The following SGCB variants were observed in gnomAD, a reference collection of about 807,000 sequenced individuals.
SGCB encodes sarcoglycan beta.
In SGCB, 25 loss-of-function variants were observed where a neutral mutation model predicts 27.3. The ratio of observed to expected loss-of-function variants is 0.92; its 90% confidence interval spans 0.67 to 1.28. The LOEUF (loss-of-function observed/expected upper bound fraction) is 1.28. Among genes scored for constraint, SGCB ranks in the 50% most tolerant of loss-of-function variants. The pLI, the probability that SGCB is intolerant of heterozygous loss-of-function variation, is 0.00. For synonymous variants in SGCB, 147 were observed against 133.5 expected (o/e 1.10, Z -0.70); for missense variants, 436 against 402.1 (o/e 1.08, Z -0.72).
At chr4:52,031,402 G>GTGTA (rs754989628) in intron 2 of SGCB, among the ~76,000 whole-genome samples, 3 of 40,488 alleles carry the variant, frequency 7.4e-5, no homozygotes, top group African/African-American at 4.9e-5. Flanking sequence ...CTGTGTGTGT[G>GTGTA]TGTATGTGTG....
At chr4:52,033,167 C>T (rs1029518688) in intron 2 of SGCB, among the ~76,000 whole-genome samples, 2 of 152,034 alleles carry the variant, frequency 1.3e-5, no homozygotes, top group Non-Finnish European at 1.5e-5. Flanking sequence ...CATGCTCTAC[C>T]GATTGAGCTA....
intron 1 of SGCB, among the ~76,000 whole-genome samples, chr4:52,035,845 T>C (rs1246673314): frequency 6.6e-6 from 1 of 152,180 alleles, no homozygotes; most frequent in Non-Finnish European, 1.5e-5. Context: ...AAAGTTTGAA[T>C]ATAGGTCCAC....
At chr4:52,026,415 C>T (rs1351950385) in intron 5 of SGCB, among the ~76,000 whole-genome samples, 1 of 151,732 alleles carries the variant, frequency 6.6e-6, no homozygotes, top group Non-Finnish European at 1.5e-5. Flanking sequence ...CCCGCCACCA[C>T]GCCCAGGTAA....
Position 52,033,785 on chromosome 4 carries a change from C to T in SGCB, c.34-145G>A, listed in dbSNP as rs145664960. 1.0e-3 allele frequency: 733 copies of T among 713,348 alleles called. 3 individuals carry two copies. The highest frequency in any genetic ancestry group is 2.6e-3 in the Middle Eastern group (8 of 3,092). The allele number at this position is 713,348 out of a possible 1,614,324, so 44.2% of individuals were successfully genotyped here. A position where few individuals can be genotyped will look rare whatever the true frequency, so the allele number is the denominator to read the frequency against. ...ATAAACTGCAAATCACATTGAGTTG[C>T]AGTTCCAAATAAGGGCATAACTGTG... On this transcript the variant is annotated intron_variant, in intron 1 of 5. Transcript: ENST00000381431.
intron 5 of SGCB, among the ~76,000 whole-genome samples, chr4:52,026,065 T>G (rs532410344): frequency 3.9e-5 from 6 of 152,260 alleles, no homozygotes; most frequent in Non-Finnish European, 5.9e-5. Flanking sequence ...AGGCATCGGC[T>G]TACAGAGGGT....
In SGCB at chr4:52,029,833, T is replaced by C; in HGVS notation, c.274A>G (p.Ile92Val). The change falls in exon 3 of 6, where the codon ATT (isoleucine) becomes GTT (valine). Residue 92 changes from isoleucine (I) to valine (V), a missense_variant. By Grantham distance (29) the Ile-to-Val change is conservative. Transcript: ENST00000381431. Reference sequence around the variant, plus strand: ...ATACTATCACAGCCATTTGGTCCAATGCGAATCACGGCCCAAATAACAAGT... The same window carrying C: ...ATACTATCACAGCCATTTGGTCCAACGCGAATCACGGCCCAAATAACAAGT... ...ITLVIWAVIR[I>V]GPNGCDSMEF... is the part of the protein sequence containing the mutation. 2 of 1,613,900 alleles carry C rather than the reference T, an allele frequency of 1.2e-6. No individual in the cohort carries two copies. The highest frequency in any genetic ancestry group is 1.7e-6 in the Non-Finnish European group (2 of 1,179,858).
rs1181672793 is a variant in SGCB, at chr4:52,022,469, AC to A, written c.*1487del. The A allele has an allele frequency of 6.6e-6, 1 of 152,186 alleles. No individual in the cohort carries two copies. The highest frequency in any genetic ancestry group is 6.5e-5 in the Admixed American group (1 of 15,278). 9.4% of individuals were successfully genotyped at this position (152,186 alleles called of 1,614,324 possible). ...CTGATTCTGTGTGAGTCTTAATAAT[AC>A]CAGAGAGTTCTTTTCCAATCAAATA... On this transcript the variant is annotated 3_prime_UTR_variant, in exon 6 of 6. Transcript: ENST00000381431.
At position 52,028,920 on chromosome 4, in the gene SGCB, A is replaced by G. The variant is rs147995730; in HGVS notation, c.431T>C (p.Ile144Thr). The G allele has an allele frequency of 1.4e-5, 23 of 1,611,546 alleles. No individual in the cohort carries two copies. Among genetic ancestry groups the G allele is most frequent in the Non-Finnish European group, 1.8e-5 (21 of 1,177,828 alleles). The stretch of plus-strand genomic sequence containing the variant: ...CTTTGTTGTCCCTTGCTGAAAAACA[A>G]TCTTCAAAAAAAACAGTTTATTGTG... ...NLVITGNNQP[I>T]VFQQGTTKLS... Residue 144 changes from isoleucine to threonine, a missense_variant and splice_region_variant, in exon 4 of 6, where the codon ATT becomes ACT. By Grantham distance (89) the Ile-to-Thr change is moderately conservative (BLOSUM62 -1). Coordinates refer to ENST00000381431, the MANE Select transcript of SGCB (RefSeq NM_000232.5).
chr4:52,034,331 CAAAAAAAAAAAAAAA>C (rs541129158), intron 1 of SGCB, among the ~76,000 whole-genome samples: 10 of 26,512 alleles, frequency 3.8e-4, no homozygotes, highest in East Asian at 1.6e-3. Flanking sequence ...GACTCCGTCT[CAAAAAAAAAAAAAAA>C]AAAAAAAAAA....
At chr4:52,030,169 T>A (rs1203096590) in intron 2 of SGCB, among the ~76,000 whole-genome samples, 1 of 152,196 alleles carries the variant, frequency 6.6e-6, no homozygotes, top group Non-Finnish European at 1.5e-5. Context: ...ATTTAGCTAT[T>A]TCATCTAGAA....
At position 52,027,986 on chromosome 4, in the gene SGCB, A is replaced by G. The variant is rs868255333; in HGVS notation, c.735T>C (p.Gly245=). 2.5e-6 allele frequency: 4 copies of G among 1,613,874 alleles called. No individual in the cohort carries two copies. In the Middle Eastern group the frequency reaches 6.6e-4, roughly 266 times the overall value. ...MGKTIEFHMG[G]NMELKAENSI... is the part of the protein sequence containing the mutation. The stretch of plus-strand genomic sequence containing the variant: ...TACTCACCGCCTTTAACTCCATATT[A>G]CCACCCATGTGAAATTCAATGGTTT... The change falls in exon 5 of 6, where the codon GGT becomes GGC. Residue 245 remains glycine, a synonymous_variant. Transcript: ENST00000381431.
chr4:52,033,609 A>G lies in SGCB; in HGVS notation c.65T>C (p.Met22Thr), dbSNP rs1737307869. 1 of 1,613,806 alleles carries G rather than the reference A, an allele frequency of 6.2e-7. No individual in the cohort carries two copies. The highest frequency in any genetic ancestry group is 8.5e-7 in the Non-Finnish European group (1 of 1,179,836). Residue 22 changes from methionine to threonine, a missense_variant, in exon 2 of 6, where the codon ATG becomes ACG. Met to Thr is a moderately conservative substitution (Grantham distance 81, BLOSUM62 -1). Transcript: ENST00000381431. ...QSSNGPVKKS[M>T]REKAVERRSV... The stretch of plus-strand genomic sequence containing the variant: ...CCTTCTCTCAACAGCCTTCTCACGC[A>G]TGGACTTCTTTACAGGACCATTGGA...
chr4:52,031,973 G>T (rs1294049770), intron 2 of SGCB: 2 of 456,126 alleles, frequency 4.4e-6, no homozygotes, highest in South Asian at 1.5e-5. Context: ...TGGAGGTGGA[G>T]AATGAGGAAA....
intron 2 of SGCB, chr4:52,031,854 G>C (rs967287676): frequency 1.3e-5 from 6 of 454,524 alleles, no homozygotes; most frequent in African/African-American, 1.0e-4. Context: ...GAAATTACAT[G>C]GCTTTTTCAC....
chr4:52,024,262 G>T, intron 5 of SGCB, 102 bp from the exon 6 acceptor site: 1 of 843,804 alleles, frequency 1.2e-6, no homozygotes, highest in Non-Finnish European at 1.9e-6. Flanking sequence ...AAAGCAAGCA[G>T]TAAGAAAGAG....
chr4:52,037,327 G>C (rs1737419407), intron 1 of SGCB, among the ~76,000 whole-genome samples: 1 of 152,172 alleles, frequency 6.6e-6, no homozygotes, highest in African/African-American at 2.4e-5. Context: ...GAGCCCTCCA[G>C]TGACATATAT....
At position 52,027,860 on chromosome 4, in the gene SGCB, C is replaced by CA. The variant is rs1553940052; in HGVS notation, c.753+107dup. Reference sequence around the variant, plus strand: ...ACCCACTTTGAACATCTTTCCATGTCAAAAAATAGACAATTATATCATTTT... The same window carrying CA: ...ACCCACTTTGAACATCTTTCCATGTCAAAAAAATAGACAATTATATCATTTT... On this transcript the variant is annotated intron_variant, in intron 5 of 5. Transcript: ENST00000381431. 5.5e-6 allele frequency: 6 copies of CA among 1,091,732 alleles called. No homozygotes were observed. The East Asian group carries it at 7.3e-5, about 13-fold the overall frequency. 67.6% of individuals were successfully genotyped at this position (1,091,732 alleles called of 1,614,324 possible).
chr4:52,038,245 C>T lies in SGCB; in HGVS notation c.15G>A (p.Ala5=), dbSNP rs1737454625. 2 of 1,292,948 alleles carry T rather than the reference C, an allele frequency of 1.5e-6. No individual in the cohort carries two copies. The highest frequency in any genetic ancestry group is 3.0e-5 in the Admixed American group (1 of 33,088). The allele number at this position is 1,292,948 out of a possible 1,614,324, so 80.1% of individuals were successfully genotyped here. A position where few individuals can be genotyped will look rare whatever the true frequency, so the allele number is the denominator to read the frequency against. The change falls in exon 1 of 6, where the codon GCG becomes GCA. Residue 5 remains alanine (A), a synonymous_variant. Coordinates refer to ENST00000381431, the MANE Select transcript of SGCB (RefSeq NM_000232.5). The part of the protein sequence containing the change: MAAA[A]AAAAEQQSSN... Reference sequence around the variant, plus strand: ...CACAGACCTGTTCTGCAGCCGCCGCCGCCGCTGCCGCCATCTTCCCGCGCC... The same window carrying T: ...CACAGACCTGTTCTGCAGCCGCCGCTGCCGCTGCCGCCATCTTCCCGCGCC...
At position 52,028,024 on chromosome 4, in the gene SGCB, A is replaced by ATT; in HGVS notation, c.696_697insAA (p.Phe233AsnfsTer18). 1 of 1,613,516 alleles carries ATT rather than the reference A, an allele frequency of 6.2e-7. No homozygotes were observed. The highest frequency in any genetic ancestry group is 8.5e-7 in the Non-Finnish European group (1 of 1,179,452). On this transcript the variant is annotated frameshift_variant, in exon 5 of 6. Transcript: ENST00000381431. LOFTEE classifies it high-confidence loss of function. ...AATTCAATGGTTTTGCCCATAATGA[A>ATT]TACACCTTCATTTCCACGCACAATA...
Sources: allele counts gnomAD v4.1 joint callset (sites outside exome capture counted in the v4.1 genomes callset), GRCh38; gene constraint gnomAD v4.1.1; transcripts MANE v1.5; gene names NCBI Gene and HGNC (gene_info 2026-07-23, HGNC 2026-07-21).